The following GPHN variants were observed in gnomAD, a reference collection of about 807,000 sequenced individuals.
GPHN encodes gephyrin.
Under a neutral mutation model 95.5 loss-of-function variants are expected in GPHN, and 17 were observed. The observed-to-expected ratio is 0.18, with a 90% CI of 0.12 to 0.27. GPHN has a LOEUF of 0.27. GPHN is among the 10% of genes least tolerant of loss of function. The probability of loss-of-function intolerance (pLI) is 1.00; values close to 1 mark genes in which losing one functional copy is unlikely to be tolerated. For missense variants in GPHN, 660 were observed against 978.1 expected, an observed-to-expected ratio of 0.67 and a Z score of 4.34; for synonymous variants, 320 against 322.5, an observed-to-expected ratio of 0.99 and a Z score of 0.08.
intron 16 of GPHN, among the ~76,000 whole-genome samples, chr14:67,116,816 T>G (rs939236918): frequency 6.6e-6 from 1 of 152,386 alleles, no homozygotes; most frequent in African/African-American, 2.4e-5. Flanking sequence ...TTAAATTGTT[T>G]AAAAGATCTA....
At chr14:67,159,782 T>G (rs2081856119) in intron 19 of GPHN, among the ~76,000 whole-genome samples, 1 of 152,166 alleles carries the variant, frequency 6.6e-6, no homozygotes, top group African/African-American at 2.4e-5. Context: ...TTCCCCAAAC[T>G]GCTTCTTTAT....
At chr14:67,473,473 C>A in the GPHN span, 1 of 1,614,166 alleles carries the variant, frequency 6.2e-7, no homozygotes, top group African/African-American at 1.3e-5. The surrounding 1 kb of genome is among the most constrained non-coding windows in gnomAD (Gnocchi z 6.5). Flanking sequence ...CTGGGCTCCC[C>A]GGGCTCAGCG....
chr14:67,508,494 C>T, the GPHN span, among the ~76,000 whole-genome samples: 1,686 of 152,176 alleles, frequency 0.011, 18 homozygotes, highest in East Asian at 0.073. Flanking sequence ...CACACTGTTC[C>T]ATCATACAGC....
intron 2 of GPHN, among the ~76,000 whole-genome samples, chr14:66,757,355 C>G (rs1330170660): frequency 6.6e-6 from 1 of 151,946 alleles, no homozygotes; most frequent in Non-Finnish European, 1.5e-5. Flanking sequence ...CGCACACACA[C>G]ACACACAAAT....
chr14:66,687,493 T>G (rs2067459434), intron 2 of GPHN, among the ~76,000 whole-genome samples: 1 of 148,252 alleles, frequency 6.7e-6, no homozygotes, highest in Non-Finnish European at 1.5e-5. Context: ...TTGGTTTTTT[T>G]TTTTTTTTTT....
chr14:67,551,690 A>C, the GPHN span, among the ~76,000 whole-genome samples: 1 of 152,048 alleles, frequency 6.6e-6, no homozygotes, highest in Non-Finnish European at 1.5e-5. Context: ...GGAGTTTGAG[A>C]CCAGCCTGAC....
chr14:66,562,945 C>G (rs893171300), intron 1 of GPHN, among the ~76,000 whole-genome samples: 1 of 151,728 alleles, frequency 6.6e-6, no homozygotes, highest in African/African-American at 2.4e-5. Flanking sequence ...AATCCTTATG[C>G]GAAAGTGGCG....
At chr14:67,060,259 T>C (rs1026787449) in intron 11 of GPHN, among the ~76,000 whole-genome samples, 1 of 150,372 alleles carries the variant, frequency 6.7e-6, no homozygotes, top group African/African-American at 2.4e-5. Context: ...CAGAGAAAAA[T>C]GCTGTCATAT....
intron 3 of GPHN, among the ~76,000 whole-genome samples, chr14:66,801,636 C>T (rs937537353): frequency 1.5e-5 from 2 of 134,294 alleles, no homozygotes; most frequent in African/African-American, 5.4e-5. Context: ...CTCTCTCCCC[C>T]CTCTCTCTCC....
intron 9 of GPHN, among the ~76,000 whole-genome samples, chr14:66,983,662 C>T (rs2070829392): frequency 6.6e-6 from 1 of 152,156 alleles, no homozygotes. Flanking sequence ...CCCAAAGTCT[C>T]TATATAAATC....
At chr14:67,224,425 A>G in the GPHN span, among the ~76,000 whole-genome samples, 1 of 151,584 alleles carries the variant, frequency 6.6e-6, no homozygotes, top group African/African-American at 2.4e-5. Flanking sequence ...TGCCTAGCTA[A>G]TTGTTTTTGT....
At chr14:67,569,147 A>G in the GPHN span, 1 of 1,611,602 alleles carries the variant, frequency 6.2e-7, no homozygotes, top group Non-Finnish European at 8.5e-7. Flanking sequence ...GGAGAGCCGG[A>G]TCTATGCTGT....
chr14:66,940,675 A>G (rs534405081), intron 8 of GPHN, among the ~76,000 whole-genome samples: 2 of 152,180 alleles, frequency 1.3e-5, no homozygotes, highest in African/African-American at 4.8e-5. Context: ...AGTCATGCTC[A>G]CCTGCATTGT....
chr14:67,117,032 G>A (rs2078736253), intron 16 of GPHN, among the ~76,000 whole-genome samples: 1 of 152,184 alleles, frequency 6.6e-6, no homozygotes, highest in African/African-American at 2.4e-5. Context: ...AACAAGAATT[G>A]AGTTTTGATC....
the GPHN span, chr14:67,674,505 GGAGC>G: frequency 6.3e-7 from 1 of 1,583,598 alleles, no homozygotes; most frequent in Admixed American, 1.8e-5. Flanking sequence ...AGGCCGCGCT[GGAGC>G]AGCGGCCACC....
chr14:66,532,999 G>C (rs939028462), intron 1 of GPHN, among the ~76,000 whole-genome samples: 2 of 152,186 alleles, frequency 1.3e-5, no homozygotes, highest in Non-Finnish European at 2.9e-5. Context: ...ATGTTGGCAG[G>C]AACAGGATCA....
chr14:66,809,928 G>C (rs978309163), intron 3 of GPHN, among the ~76,000 whole-genome samples: 2 of 151,978 alleles, frequency 1.3e-5, no homozygotes, highest in Non-Finnish European at 2.9e-5. Flanking sequence ...GTATAATGTG[G>C]AGTAGGTAAT....
At chr14:66,631,513 A>C (rs977632943) in intron 1 of GPHN, among the ~76,000 whole-genome samples, 2 of 152,192 alleles carry the variant, frequency 1.3e-5, no homozygotes, top group Admixed American at 1.3e-4. Flanking sequence ...ATGAGTCTTA[A>C]AAAGCTCTTT....
chr14:67,274,232 C>A, the GPHN span, among the ~76,000 whole-genome samples: 2 of 152,138 alleles, frequency 1.3e-5, no homozygotes, highest in Non-Finnish European at 2.9e-5. Context: ...CCTAGGTTTT[C>A]TTCTAGGGTT....
Sources: allele counts gnomAD v4.1 joint callset (sites outside exome capture counted in the v4.1 genomes callset), GRCh38; gene constraint gnomAD v4.1.1; non-coding constraint Gnocchi (gnomAD v3.1); transcripts MANE v1.5; gene names NCBI Gene and HGNC (gene_info 2026-07-23, HGNC 2026-07-21).